Variants in HPS4 observed in about 807,000 individuals in gnomAD.
HPS4 encodes BLOC-3 complex member HPS4.
A neutral mutation model predicts 70.3 loss-of-function variants in HPS4; 44 were observed. The observed-to-expected ratio is 0.63, with a 90% CI of 0.49 to 0.80. The LOEUF is 0.80. Among genes scored for constraint, HPS4 ranks in the 30% least tolerant of loss-of-function variants. HPS4 has a pLI of 0.00. For synonymous variants in HPS4, 377 were observed against 355.9 expected (o/e 1.06, Z -0.67); for missense variants, 873 against 884.4 (o/e 0.99, Z 0.16).
At chr22:26,458,000 A>G (rs78776248) in intron 12 of HPS4, 33 bp from the exon 13 acceptor site, 17,553 of 1,549,810 alleles carry the variant, frequency 0.011, 161 homozygotes, top group Non-Finnish European at 0.014. Flanking sequence ...TGTGAAGAGC[A>G]GACAGTTACC....
intron 13 of HPS4, among the ~76,000 whole-genome samples, chr22:26,456,300 T>C (rs1173310689): frequency 1.3e-5 from 2 of 152,234 alleles, no homozygotes; most frequent in Non-Finnish European, 2.9e-5. Context: ...AAGAAGAATA[T>C]AACCCTGGGC....
At chr22:26,460,819 GA>G (rs1162086973) in intron 11 of HPS4, among the ~76,000 whole-genome samples, 1 of 152,104 alleles carries the variant, frequency 6.6e-6, no homozygotes, top group Non-Finnish European at 1.5e-5. Context: ...CTTGGTTGGG[GA>G]AAAAAGTCAA....
intron 4 of HPS4, among the ~76,000 whole-genome samples, chr22:26,473,415 C>T (rs992919019): frequency 6.6e-6 from 1 of 152,194 alleles, no homozygotes; most frequent in Non-Finnish European, 1.5e-5. Flanking sequence ...CAAGAACTGA[C>T]CGCAATCTTC....
chr22:26,452,708 C>T lies in HPS4; in HGVS notation c.*525G>A, dbSNP rs886908582. 8.0e-6 allele frequency: 2 copies of T among 248,500 alleles called. No individual in the cohort carries two copies. The highest frequency in any genetic ancestry group is 1.6e-5 in the Non-Finnish European group (2 of 125,470). The allele number at this position is 248,500 out of a possible 1,614,324, so 15.4% of individuals were successfully genotyped here. On this transcript the variant is annotated 3_prime_UTR_variant, in exon 14 of 14. Transcript: ENST00000398145. ...GTGTGCTGCCGCTTCCCTGCAGGAA[C>T]GATCCGGACCTCCCAGCAAGAGCGC...
At position 26,469,679 on chromosome 22, in the gene HPS4, C is replaced by T. The variant is rs566675338; in HGVS notation, c.596+1040G>A. ...CAGCCTGGGCAACATAGCAAGACCT[C>T]GTCCCTACAAAAAAAAAAAAAAGAA... On this transcript the variant is annotated intron_variant, in intron 7 of 13. Transcript: ENST00000398145. Among the ~76,000 whole-genome samples, 11 of 136,658 alleles carry T rather than the reference C, an allele frequency of 8.0e-5. No homozygotes were observed. The East Asian group carries it at 1.7e-3, about 21-fold the overall frequency. 89.7% of individuals were successfully genotyped at this position (136,658 alleles called of 152,430 possible). A position where few individuals can be genotyped will look rare whatever the true frequency, so the allele number is the denominator to read the frequency against.
chr22:26,455,195 C>T (rs1376152829), intron 13 of HPS4, among the ~76,000 whole-genome samples: 2 of 151,974 alleles, frequency 1.3e-5, no homozygotes, highest in Admixed American at 6.6e-5. Context: ...GGATCTAGAA[C>T]TAGAAATACC....
chr22:26,444,429 TCTC>T (rs969154085), exon 4 of HPS4: 1 of 151,854 alleles, frequency 6.6e-6, no homozygotes, highest in Non-Finnish European at 1.5e-5. Context: ...GGTTTTCTGG[TCTC>T]CTGTGAAGAA....
rs142381874 is a variant in HPS4 at position 26,480,517 on chromosome 22, T to C, written c.42-1162A>G. Among the ~76,000 whole-genome samples the C allele has an allele frequency of 2.4e-4, 36 of 152,266 alleles. No homozygotes were observed. In the East Asian group the frequency reaches 5.8e-3, roughly 25 times the overall value. On this transcript the variant is annotated intron_variant, in intron 2 of 13. Coordinates refer to ENST00000398145, the MANE Select transcript of HPS4 (RefSeq NM_022081.6). ...CTCTGAGAACACATTTATGAGGCTA[T>C]AGCATAAACAAGCAATGGGACCAAT... is the stretch of plus-strand genomic sequence containing the variant.
At position 26,458,418 on chromosome 22, in the gene HPS4, G is replaced by A. The variant is rs375744173; in HGVS notation, c.1846+27C>T. 25 of 1,613,692 alleles carry A rather than the reference G, an allele frequency of 1.5e-5. No homozygotes were observed. In the Admixed American group the frequency reaches 2.5e-4, roughly 16 times the overall value. The stretch of plus-strand genomic sequence containing the variant: ...CCATCTAGAATCTGGCATCCCCGTC[G>A]CCCCAGGCCCCTTGGCTGGTTCTTA... On this transcript the variant is annotated intron_variant, in intron 12 of 13. Transcript: ENST00000398145.
At chr22:26,470,017 G>A (rs2089515982) in intron 7 of HPS4, among the ~76,000 whole-genome samples, 2 of 152,260 alleles carry the variant, frequency 1.3e-5, no homozygotes, top group African/African-American at 4.8e-5. Flanking sequence ...GAGCCTGTCT[G>A]GCCCAAGGGC....
chr22:26,483,796 G>A (rs988127257), upstream of HPS4: 4 of 1,011,412 alleles, frequency 4.0e-6, no homozygotes, highest in Non-Finnish European at 5.2e-6. Flanking sequence ...CTTAGGTCAC[G>A]CGCCGCCCCG....
chr22:26,443,443 GA>G (rs570369856), downstream of HPS4: 1,790 of 469,554 alleles, frequency 3.8e-3, 14 homozygotes, highest in Non-Finnish European at 5.5e-3. Flanking sequence ...ATTTGCTTCA[GA>G]GACTCCTTTC....
intron 4 of HPS4, among the ~76,000 whole-genome samples, chr22:26,473,603 C>T (rs146982198): frequency 6.6e-4 from 101 of 152,138 alleles, no homozygotes; most frequent in African/African-American, 2.2e-3. Context: ...AAATACTGGG[C>T]GTGGTGGTGT....
Position 26,451,123 on chromosome 22 carries a change from C to T in HPS4, c.*2110G>A, listed in dbSNP as rs1352391338. ...AGGAGTCCAGGGTGGGCAGGCTGTCCTGCACACTGCCTTCCCTTGGGAAAC... is the reference window on the plus strand; with the variant it reads ...AGGAGTCCAGGGTGGGCAGGCTGTCTTGCACACTGCCTTCCCTTGGGAAAC... On this transcript the variant is annotated 3_prime_UTR_variant, in exon 14 of 14. Transcript: ENST00000398145. 6.6e-6 allele frequency among the ~76,000 whole-genome samples: 1 copy of T among 152,186 alleles called. No individual in the cohort carries two copies. Among genetic ancestry groups the T allele is most frequent in the African/African-American group, 2.4e-5 (1 of 41,434 alleles).
At chr22:26,447,810 C>G (rs562492920), downstream of HPS4, among the ~76,000 whole-genome samples, 4 of 152,276 alleles carry the variant, frequency 2.6e-5, no homozygotes, top group South Asian at 8.3e-4. Flanking sequence ...CTTTCCGCCT[C>G]TTTCCCAGGC....
At chr22:26,465,690 C>T (rs1019511529) in intron 9 of HPS4, 139 bp from the exon 10 acceptor site, 2 of 702,398 alleles carry the variant, frequency 2.8e-6, no homozygotes, top group Non-Finnish European at 4.9e-6. Flanking sequence ...TCAGCCAGGA[C>T]ACAGGTTGCC....
At chr22:26,456,856 A>C (rs1359236255) in intron 13 of HPS4, among the ~76,000 whole-genome samples, 1 of 152,162 alleles carries the variant, frequency 6.6e-6, no homozygotes, top group Non-Finnish European at 1.5e-5. Context: ...TTCTGGTTTC[A>C]TAAGAGAAGC....
At chr22:26,466,580 C>A in intron 8 of HPS4, 1 of 479,920 alleles carries the variant, frequency 2.1e-6, no homozygotes, top group Non-Finnish European at 3.8e-6. Context: ...TTCCTGTTCT[C>A]TTTTACACCT....
chr22:26,483,817 C>T (rs886057324), upstream of HPS4: 6 of 1,201,596 alleles, frequency 5.0e-6, no homozygotes, highest in East Asian at 9.7e-5. Context: ...CCTACCTCCC[C>T]CTCCAGCTCC....
Sources: gnomAD v4.1 joint callset for allele counts (sites outside exome capture counted in the v4.1 genomes callset) on GRCh38, gnomAD v4.1.1 for gene constraint, MANE v1.5 for transcripts, NCBI Gene and HGNC (gene_info 2026-07-23, HGNC 2026-07-21) for gene names.